CCDC102B: variants seen among roughly 807,000 people sequenced by gnomAD.
The protein encoded by CCDC102B is coiled-coil domain-containing protein 102B.
Under a neutral mutation model 57.4 loss-of-function variants are expected in CCDC102B, and 75 were observed. That is an observed-to-expected ratio of 1.31 (90% CI 1.08 to 1.58). CCDC102B has a LOEUF of 1.58. CCDC102B is among the 40% of genes most tolerant of loss of function. The pLI is 0.00. For synonymous variants in CCDC102B, 206 were observed against 201.9 expected (o/e 1.02, Z -0.17); for missense variants, 636 against 582.6 (o/e 1.09, Z -0.94).
chr18:69,022,595 TG>T (rs2051875355), intron 7 of CCDC102B, among the ~76,000 whole-genome samples: 1 of 152,102 alleles, frequency 6.6e-6, no homozygotes, highest in Non-Finnish European at 1.5e-5. Context: ...GAATTAATCT[TG>T]GCACAGTGTC....
intron 7 of CCDC102B, among the ~76,000 whole-genome samples, chr18:69,045,078 C>G (rs2052526437): frequency 6.6e-6 from 1 of 151,960 alleles, no homozygotes; most frequent in South Asian, 2.1e-4. Flanking sequence ...GAGTAGGGCC[C>G]CACTCTTACA....
At chr18:68,871,023 A>G (rs1363800158) in intron 4 of CCDC102B, among the ~76,000 whole-genome samples, 4 of 152,168 alleles carry the variant, frequency 2.6e-5, no homozygotes, top group African/African-American at 9.7e-5. Flanking sequence ...TAGAATACAT[A>G]TTTATATATA....
intron 3 of CCDC102B, among the ~76,000 whole-genome samples, chr18:68,839,875 G>A (rs963232817): frequency 1.3e-5 from 2 of 152,156 alleles, no homozygotes; most frequent in Non-Finnish European, 2.9e-5. Flanking sequence ...GAATCTCAAA[G>A]TCTGACTCAG....
intron 2 of CCDC102B, among the ~76,000 whole-genome samples, chr18:68,733,890 A>G (rs535316927): frequency 6.6e-6 from 1 of 152,272 alleles, no homozygotes; most frequent in South Asian, 2.1e-4. Context: ...TGCTGGAACT[A>G]TGTAGTTCAG....
intron 6 of CCDC102B, among the ~76,000 whole-genome samples, chr18:68,981,157 A>T (rs1317557512): frequency 6.6e-6 from 1 of 152,048 alleles, no homozygotes; most frequent in Non-Finnish European, 1.5e-5. Flanking sequence ...TATTTTGTGA[A>T]TTAAAACTTA....
At chr18:68,770,003 T>A (rs1281093010) in intron 2 of CCDC102B, among the ~76,000 whole-genome samples, 1 of 152,184 alleles carries the variant, frequency 6.6e-6, no homozygotes, top group African/African-American at 2.4e-5. Context: ...GTATAGAGGC[T>A]ACTTCATTAG....
At chr18:68,733,807 C>T (rs941368401) in intron 2 of CCDC102B, among the ~76,000 whole-genome samples, 2 of 151,988 alleles carry the variant, frequency 1.3e-5, no homozygotes, top group African/African-American at 4.8e-5. Flanking sequence ...TGTGATGCCT[C>T]ATAAAAGCTA....
At chr18:68,803,068 C>A (rs1384888935) in intron 1 of CCDC102B, among the ~76,000 whole-genome samples, 3 of 152,258 alleles carry the variant, frequency 2.0e-5, no homozygotes, top group East Asian at 1.9e-4. Context: ...TTGGGGTTAA[C>A]CTCACTTAAA....
chr18:68,787,679 C>T (rs2035263598), intron 2 of CCDC102B, among the ~76,000 whole-genome samples: 1 of 147,262 alleles, frequency 6.8e-6, no homozygotes, highest in Non-Finnish European at 1.5e-5. Context: ...GTGATATCCC[C>T]TTTATCATTT....
At chr18:68,857,302 T>TATAA (rs1568293015) in intron 4 of CCDC102B, among the ~76,000 whole-genome samples, 1,801 of 6,392 alleles carry the variant, frequency 0.28, 151 homozygotes, top group Non-Finnish European at 0.32. Flanking sequence ...ATTATATATA[T>TATAA]AATATATATT....
At chr18:68,783,768 T>G (rs2035087168) in intron 2 of CCDC102B, among the ~76,000 whole-genome samples, 2 of 152,166 alleles carry the variant, frequency 1.3e-5, no homozygotes, top group South Asian at 4.1e-4. Flanking sequence ...ATTTCACCAT[T>G]GTTAGAGGCT....
At position 69,054,476 on chromosome 18, in the gene CCDC102B, C is replaced by T. The variant is rs192612342; in HGVS notation, c.*339C>T. On this transcript the variant is annotated 3_prime_UTR_variant, in exon 8 of 8. Transcript: ENST00000360242. ...AAAGTAAGTTGAAAACCATACAAGA[C>T]GCTGGGTCATTAATAAGAAAACCAT... 184 of 1,010,936 alleles carry T rather than the reference C, an allele frequency of 1.8e-4. No individual in the cohort carries two copies. Among genetic ancestry groups the T allele is most frequent in the Middle Eastern group, 5.0e-4 (1 of 2,008 alleles). 62.6% of individuals were successfully genotyped at this position (1,010,936 alleles called of 1,614,324 possible).
At chr18:68,745,786 A>G (rs748096836) in intron 2 of CCDC102B, among the ~76,000 whole-genome samples, 1 of 152,110 alleles carries the variant, frequency 6.6e-6, no homozygotes, top group African/African-American at 2.4e-5. Context: ...TTCTACTTCT[A>G]TGAGATAAAC....
intron 6 of CCDC102B, among the ~76,000 whole-genome samples, chr18:68,927,713 A>G (rs552794544): frequency 8.5e-5 from 13 of 152,088 alleles, no homozygotes; most frequent in Admixed American, 5.9e-4. Flanking sequence ...ACCAAGACAG[A>G]AATTACCCAA....
At chr18:68,946,632 G>C (rs1282825089) in intron 6 of CCDC102B, among the ~76,000 whole-genome samples, 1 of 152,000 alleles carries the variant, frequency 6.6e-6, no homozygotes, top group Admixed American at 6.6e-5. Flanking sequence ...ATCAAAACCA[G>C]ATATTACTGG....
At chr18:68,717,207 G>T (rs1299484793) in intron 2 of CCDC102B, among the ~76,000 whole-genome samples, 1 of 152,176 alleles carries the variant, frequency 6.6e-6, no homozygotes, top group Non-Finnish European at 1.5e-5. Flanking sequence ...TCCTGCCACT[G>T]CATTCCAGCC....
At chr18:68,914,476 A>C (rs1280590066) in intron 6 of CCDC102B, among the ~76,000 whole-genome samples, 1 of 152,198 alleles carries the variant, frequency 6.6e-6, no homozygotes, top group African/African-American at 2.4e-5. Context: ...ATTATCGTAA[A>C]ATAAAAATTT....
At chr18:68,984,034 C>G (rs750271573) in intron 6 of CCDC102B, among the ~76,000 whole-genome samples, 23 of 152,082 alleles carry the variant, frequency 1.5e-4, no homozygotes, top group Admixed American at 6.6e-4. Flanking sequence ...CTCTGTTTAT[C>G]TGTAGCAACC....
intron 6 of CCDC102B, among the ~76,000 whole-genome samples, chr18:68,928,035 G>A (rs1170448964): frequency 6.6e-6 from 1 of 151,840 alleles, no homozygotes; most frequent in African/African-American, 2.4e-5. Flanking sequence ...TATGAATTTG[G>A]ACTCCATCTG....
Sources: allele counts gnomAD v4.1 joint callset (sites outside exome capture counted in the v4.1 genomes callset), GRCh38; gene constraint gnomAD v4.1.1; transcripts MANE v1.5; gene names NCBI Gene and HGNC (gene_info 2026-07-23, HGNC 2026-07-21).